NGLY1: variants seen among roughly 807,000 people sequenced by gnomAD.
NGLY1 encodes the protein N-glycanase 1, also known as peptide-N(4)-(N-acetyl-beta-glucosaminyl)asparagine amidase.
A neutral mutation model predicts 84.6 loss-of-function variants in NGLY1; 68 were observed. The observed-to-expected ratio is 0.80, with a 90% CI of 0.66 to 0.98. The LOEUF (loss-of-function observed/expected upper bound fraction) is 0.98. NGLY1 is among the 50% of genes least tolerant of loss of function. NGLY1 has a pLI of 0.00. For missense variants in NGLY1, 779 were observed against 770.2 expected (o/e 1.01, Z -0.14); for synonymous variants, 280 against 275.2 (o/e 1.02, Z -0.17).
At chr3:25,774,363 T>C (rs560632866) in intron 2 of NGLY1, among the ~76,000 whole-genome samples, 5 of 152,132 alleles carry the variant, frequency 3.3e-5, no homozygotes, top group Non-Finnish European at 7.3e-5. Context: ...GGCAGGGCCA[T>C]AGAGTTCCCA....
chr3:25,732,177 C>T, intron 9 of NGLY1, 142 bp downstream of exon 9: 1 of 665,068 alleles, frequency 1.5e-6, no homozygotes, highest in East Asian at 2.7e-5. Flanking sequence ...TACTGGTTCT[C>T]TTCAAATGTT....
chr3:25,730,745 C>G (rs1416179156), intron 9 of NGLY1, among the ~76,000 whole-genome samples: 1 of 152,032 alleles, frequency 6.6e-6, no homozygotes, highest in Non-Finnish European at 1.5e-5. Context: ...ATAATTCACT[C>G]CTTTAAAACA....
At chr3:25,766,008 G>A (rs1317161297) in intron 2 of NGLY1, among the ~76,000 whole-genome samples, 2 of 151,604 alleles carry the variant, frequency 1.3e-5, no homozygotes, top group Non-Finnish European at 2.9e-5. Context: ...AATGCTGGGC[G>A]TTTTAAATAC....
At chr3:25,773,718 T>C (rs546849759) in intron 2 of NGLY1, among the ~76,000 whole-genome samples, 1 of 152,320 alleles carries the variant, frequency 6.6e-6, no homozygotes, top group South Asian at 2.1e-4. Context: ...GAATTGTTTT[T>C]CTGGTTCCTC....
chr3:25,732,246 G>A (rs1419680827), intron 9 of NGLY1, 73 bp downstream of exon 9: 2 of 1,359,502 alleles, frequency 1.5e-6, no homozygotes, highest in African/African-American at 2.9e-5. Context: ...TGCAGTTGGA[G>A]GATAGTATAG....
At chr3:25,741,935 A>G (rs976829737) in intron 4 of NGLY1, among the ~76,000 whole-genome samples, 4 of 152,196 alleles carry the variant, frequency 2.6e-5, no homozygotes, top group African/African-American at 9.6e-5. Context: ...TGGGAGGCGG[A>G]GGTTGCAGTG....
At chr3:25,753,252 T>G (rs1706849468) in intron 3 of NGLY1, among the ~76,000 whole-genome samples, 1 of 152,194 alleles carries the variant, frequency 6.6e-6, no homozygotes, top group Non-Finnish European at 1.5e-5. Flanking sequence ...TGAAGCAATT[T>G]TTTTTGAAAA....
chr3:25,733,466 C>CGTGTGTGTGTGT (rs60529800), intron 8 of NGLY1, among the ~76,000 whole-genome samples: 14 of 134,122 alleles, frequency 1.0e-4, no homozygotes, highest in African/African-American at 3.0e-4. Context: ...CTCACATGGA[C>CGTGTGTGTGTGT]GTGTGTGTGT....
rs1488814663 is a variant in NGLY1 at position 25,737,348 on chromosome 3, A to C, written c.989T>G (p.Val330Gly). The change falls in exon 6 of 12, where the codon GTT becomes GGT. Residue 330 changes from valine (V) to glycine (G), a missense_variant. By Grantham distance (109) the Val-to-Gly change is moderately radical. Coordinates refer to ENST00000280700, the MANE Select transcript of NGLY1 (RefSeq NM_018297.4). ...ACATTCTGTACCTGTGTAATCCCAA[A>C]CATAGCGAGCTTCAAACCCTACAGC... is the stretch of plus-strand genomic sequence containing the variant. ...CRAVGFEARY[V>G]WDYTDHVWTE... 6.2e-7 allele frequency: 1 copy of C among 1,612,882 alleles called. No homozygotes were observed. The highest frequency in any genetic ancestry group is 2.2e-5 in the East Asian group (1 of 44,856).
At chr3:25,745,198 TTG>T (rs2125498800) in intron 4 of NGLY1, among the ~76,000 whole-genome samples, 1 of 152,336 alleles carries the variant, frequency 6.6e-6, no homozygotes, top group South Asian at 2.1e-4. Context: ...TGTCACTAAC[TTG>T]TGGTTATTGA....
upstream of NGLY1, among the ~76,000 whole-genome samples, chr3:25,788,131 A>G (rs375465462): frequency 6.6e-6 from 1 of 152,234 alleles, no homozygotes; most frequent in Non-Finnish European, 1.5e-5. Flanking sequence ...AGCAAGAGCC[A>G]TACCTCTACT....
upstream of NGLY1, among the ~76,000 whole-genome samples, chr3:25,785,094 C>T (rs1483872119): frequency 8.0e-6 from 1 of 125,550 alleles, no homozygotes; most frequent in Non-Finnish European, 1.6e-5. Flanking sequence ...TGGTTATGTT[C>T]TAGTGAAATT....
chr3:25,755,486 A>G, intron 3 of NGLY1: 1 of 1,459,550 alleles, frequency 6.9e-7, no homozygotes, highest in South Asian at 1.1e-5. Context: ...TGCAGATTCC[A>G]CCTTCTCGGT....
intron 3 of NGLY1, chr3:25,754,863 T>C (rs1706953394): frequency 3.4e-6 from 2 of 593,488 alleles, no homozygotes; most frequent in Admixed American, 2.7e-5. Context: ...AACCATGAAA[T>C]GACCAACTAA....
intron 2 of NGLY1, among the ~76,000 whole-genome samples, chr3:25,773,158 T>A (rs1009477403): frequency 6.6e-6 from 1 of 152,222 alleles, no homozygotes; most frequent in African/African-American, 2.4e-5. Flanking sequence ...GAGCTTCTTA[T>A]ATTTGGATAT....
At chr3:25,748,110 T>C (rs1706534142) in intron 4 of NGLY1, among the ~76,000 whole-genome samples, 1 of 152,188 alleles carries the variant, frequency 6.6e-6, no homozygotes. Flanking sequence ...TATATTTCCC[T>C]GACTCCAGCC....
intron 3 of NGLY1, among the ~76,000 whole-genome samples, chr3:25,753,699 A>G (rs1706880381): frequency 6.6e-6 from 1 of 152,166 alleles, no homozygotes; most frequent in Non-Finnish European, 1.5e-5. Flanking sequence ...CCTAACTCTT[A>G]AAGGAATAAA....
At chr3:25,782,429 C>T (rs1034764792) in intron 1 of NGLY1, among the ~76,000 whole-genome samples, 5 of 152,262 alleles carry the variant, frequency 3.3e-5, no homozygotes, top group Middle Eastern at 3.4e-3. Flanking sequence ...TCCCTACCCC[C>T]CCACACCATG....
chr3:25,734,260 G>A (rs1705702943), intron 7 of NGLY1: 1 of 226,812 alleles, frequency 4.4e-6, no homozygotes, highest in African/African-American at 2.3e-5. Flanking sequence ...GTAGAGATGG[G>A]GTTTCACCAT....
Sources: allele counts gnomAD v4.1 joint callset (sites outside exome capture counted in the v4.1 genomes callset), GRCh38; gene constraint gnomAD v4.1.1; transcripts MANE v1.5; gene names NCBI Gene and HGNC (gene_info 2026-07-23, HGNC 2026-07-21).